SHH: variants seen among roughly 807,000 people sequenced by gnomAD.
SHH encodes sonic hedgehog signaling molecule.
In SHH, 3 loss-of-function variants were observed where a neutral mutation model predicts 16.6. The observed-to-expected ratio is 0.18, with a 90% CI of 0.08 to 0.47. The LOEUF is 0.47. SHH is among the 20% of genes least tolerant of loss of function. SHH has a pLI of 0.98. For missense variants in SHH, 499 were observed against 665.0 expected (o/e 0.75, Z 2.75); for synonymous variants, 351 against 316.2 (o/e 1.11, Z -1.17).
chr7:155,803,533 G>A lies in SHH; in HGVS notation c.756C>T (p.Phe252=), dbSNP rs113275997. 3.1e-5 allele frequency: 50 copies of A among 1,593,238 alleles called. No individual in the cohort carries two copies. In the African/African-American group the frequency reaches 6.4e-4, roughly 20 times the overall value. The stretch of plus-strand genomic sequence containing the variant: ...GCGGCTCCCGCGTCTCGATCACGTA[G>A]AAGACCTTCTTGGCGCCGTCGTCGC... ...LDRDDGAKKV[F]YVIETREPRE... The change falls in exon 3 of 3, where the codon TTC becomes TTT. Residue 252 remains phenylalanine, a synonymous_variant. Coordinates refer to ENST00000297261, the MANE Select transcript of SHH (RefSeq NM_000193.4).
chr7:155,803,423 G>A lies in SHH; in HGVS notation c.866C>T (p.Ser289Leu), dbSNP rs1131691966. Residue 289 changes from serine (S) to leucine (L), a missense_variant, in exon 3 of 3, where the codon TCG becomes TTG. Transcript: ENST00000297261. ...DSATGEPEAS[S>L]GSGPPSGGAL... ...GCCCCCGGAAGGCGGCCCCGAGCCC[G>A]AGGACGCCTCGGGCTCCCCGGTGGC... The A allele has an allele frequency of 1.3e-6, 2 of 1,530,334 alleles. No homozygotes were observed. The highest frequency in any genetic ancestry group is 1.7e-6 in the Non-Finnish European group (2 of 1,144,074). 94.8% of individuals were successfully genotyped at this position (1,530,334 alleles called of 1,614,324 possible).
At position 155,808,112 on chromosome 7, in the gene SHH, G is replaced by A. The variant is rs1322784375; in HGVS notation, c.301-1555C>T. Among the ~76,000 whole-genome samples, 3 of 152,292 alleles carry A rather than the reference G, an allele frequency of 2.0e-5. No homozygotes were observed. The East Asian group carries it at 5.8e-4, about 29-fold the overall frequency. ...CAACTGGGGGTGGGGTAGGGCTGGG[G>A]GCCGCCCTGGTAACAGGTCAGTGCC... On this transcript the variant is annotated intron_variant, in intron 1 of 2. Transcript: ENST00000297261.
Position 155,812,078 on chromosome 7 carries a change from C to A in SHH, c.45G>T (p.Ser15=). 1 of 1,614,204 alleles carries A rather than the reference C, an allele frequency of 6.2e-7. No homozygotes were observed. Among genetic ancestry groups the A allele is most frequent in the African/African-American group, 1.3e-5 (1 of 75,070 alleles). Residue 15 remains serine, a synonymous_variant, in exon 1 of 3, where the codon TCG becomes TCT. Transcript: ENST00000297261. ...ACGCCAGTCCCGAGCATACCAGCAGCGAGGAGACGAGGACTAGCAGCAGAC... is the reference window on the plus strand; with the variant it reads ...ACGCCAGTCCCGAGCATACCAGCAGAGAGGAGACGAGGACTAGCAGCAGAC... ...ARCLLLVLVS[S]LLVCSGLACG... is the part of the protein sequence containing the mutation.
chr7:155,812,247 C>G lies in SHH; in HGVS notation c.-125G>C. The G allele has an allele frequency of 1.1e-6, 1 of 905,286 alleles. No homozygotes were observed. The allele number at this position is 905,286 out of a possible 1,614,324, so 56.1% of individuals were successfully genotyped here. A position where few individuals can be genotyped will look rare whatever the true frequency, so the allele number is the denominator to read the frequency against. On this transcript the variant is annotated 5_prime_UTR_variant, in exon 1 of 3. Transcript: ENST00000297261. ...CCTTCCTCGCTCCGGCTCGCCCGCT[C>G]GCTCTCTCCCTCGCTGGCTGCCTCG...
chr7:155,811,910 C>T lies in SHH; in HGVS notation c.213G>A (p.Glu71=), dbSNP rs200317108. The T allele has an allele frequency of 4.5e-5, 73 of 1,614,150 alleles. No individual in the cohort carries two copies. The African/African-American group carries it at 8.8e-4, about 19-fold the overall frequency. ...RYEGKISRNS[E]RFKELTPNYN... ...AATTGGGGGTGAGTTCCTTAAATCG[C>T]TCGGAGTTTCTGGAGATCTTCCCTT... is the stretch of plus-strand genomic sequence containing the variant. Residue 71 remains glutamate, a synonymous_variant, in exon 1 of 3, where the codon GAG becomes GAA. Transcript: ENST00000297261.
At chr7:155,810,109 C>T (rs1454369375) in intron 1 of SHH, among the ~76,000 whole-genome samples, 1 of 152,178 alleles carries the variant, frequency 6.6e-6, no homozygotes, top group Non-Finnish European at 1.5e-5. Flanking sequence ...CACTGAAACC[C>T]TAGCCGCGGG....
chr7:155,803,775 G>T, intron 2 of SHH, 49 bp from the exon 3 acceptor site: 2 of 1,499,178 alleles, frequency 1.3e-6, no homozygotes, highest in Non-Finnish European at 1.8e-6. Context: ...ATTGAGTTCC[G>T]AGAGGGAGGC....
intron 1 of SHH, 148 bp downstream of exon 1, chr7:155,811,674 AT>A (rs1803526189): frequency 1.2e-6 from 1 of 815,164 alleles, no homozygotes; most frequent in Admixed American, 1.7e-5. Context: ...AGAGGAAGAG[AT>A]GGGGGGCGGG....
intron 2 of SHH, among the ~76,000 whole-genome samples, chr7:155,805,975 T>C (rs1455319804): frequency 6.6e-6 from 1 of 152,152 alleles, no homozygotes; most frequent in Non-Finnish European, 1.5e-5. Flanking sequence ...AGGGCTGTCT[T>C]CCCTCGCCTG....
chr7:155,806,558 C>T lies in SHH; in HGVS notation c.301-1G>A. ...AAGCGTTCAACTTGTCCTTACACCT[C>T]TGCGAAGACAAGGGGACCCCCACCG... On this transcript the variant is annotated splice_acceptor_variant, in intron 1 of 2. Transcript: ENST00000297261. LOFTEE classifies it high-confidence loss of function. 1 of 1,610,646 alleles carries T rather than the reference C, an allele frequency of 6.2e-7. No individual in the cohort carries two copies. The highest frequency in any genetic ancestry group is 8.5e-7 in the Non-Finnish European group (1 of 1,180,030).
In SHH at chr7:155,812,224, T is replaced by G; in HGVS notation, c.-102A>C. The G allele has an allele frequency of 1.7e-6, 2 of 1,144,186 alleles. No homozygotes were observed. The highest frequency in any genetic ancestry group is 1.3e-6 in the Non-Finnish European group (1 of 761,540). The allele number at this position is 1,144,186 out of a possible 1,614,324, so 70.9% of individuals were successfully genotyped here. On this transcript the variant is annotated 5_prime_UTR_variant, in exon 1 of 3. Coordinates refer to ENST00000297261, the MANE Select transcript of SHH (RefSeq NM_000193.4). ...TGTGCGCTCTCTCTTGCGCTTTCCC[T>G]TCCTCGCTCCGGCTCGCCCGCTCGC...
chr7:155,800,575 G>A lies in SHH; in HGVS notation c.*2325C>T, dbSNP rs905950153. ...TGCCCGGTGCTTCTGGTTCGCTTTC[G>A]ACTGACTTGAAATCAGACTGAACTG... On this transcript the variant is annotated 3_prime_UTR_variant, in exon 3 of 3. Coordinates refer to ENST00000297261, the MANE Select transcript of SHH (RefSeq NM_000193.4). 8.5e-6 allele frequency: 4 copies of A among 470,836 alleles called. No individual in the cohort carries two copies. The highest frequency in any genetic ancestry group is 2.0e-5 in the African/African-American group (1 of 50,192). 29.2% of individuals were successfully genotyped at this position (470,836 alleles called of 1,614,324 possible). A position where few individuals can be genotyped will look rare whatever the true frequency, so the allele number is the denominator to read the frequency against.
Position 155,801,810 on chromosome 7 carries a change from T to G in SHH, c.*1090A>C, listed in dbSNP as rs78518444. 9.8e-5 allele frequency: 15 copies of G among 152,334 alleles called. No individual in the cohort carries two copies. In the East Asian group the frequency reaches 2.5e-3, roughly 25 times the overall value. 9.4% of individuals were successfully genotyped at this position (152,334 alleles called of 1,614,324 possible). A position where few individuals can be genotyped will look rare whatever the true frequency, so the allele number is the denominator to read the frequency against. On this transcript the variant is annotated 3_prime_UTR_variant, in exon 3 of 3. Coordinates refer to ENST00000297261, the MANE Select transcript of SHH (RefSeq NM_000193.4). ...AGCCAAAAACTAAAAGAAAAAGGGC[T>G]GCAACAGGAATTCTTAGTTATTAGA... is the stretch of plus-strand genomic sequence containing the variant.
Position 155,803,046 on chromosome 7 carries a change from G to C in SHH, c.1243C>G (p.Leu415Val), listed in dbSNP as rs747289190. ...DRGGGGGRVA[L>V]TAPGAADAPG... ...GCGTCGGCAGCACCTGGAGCGGTTA[G>C]GGCTACTCTGCCGCCGCCGCCCCCG... The change falls in exon 3 of 3, where the codon CTA (leucine) becomes GTA (valine). Residue 415 changes from leucine to valine, a missense_variant. Leu to Val is a conservative substitution (Grantham distance 32). Around this residue, in one of 4 missense-constraint regions of SHH, gnomAD observed 299 missense variants for 301.1 expected, o/e 0.99. Transcript: ENST00000297261. 6.8e-7 allele frequency: 1 copy of C among 1,469,686 alleles called. No individual in the cohort carries two copies. The highest frequency in any genetic ancestry group is 9.0e-7 in the Non-Finnish European group (1 of 1,109,718). 91.0% of individuals were successfully genotyped at this position (1,469,686 alleles called of 1,614,324 possible). A position where few individuals can be genotyped will look rare whatever the true frequency, so the allele number is the denominator to read the frequency against.
chr7:155,804,602 C>A (rs1436827470), intron 2 of SHH, among the ~76,000 whole-genome samples: 1 of 151,902 alleles, frequency 6.6e-6, no homozygotes, highest in Non-Finnish European at 1.5e-5. Flanking sequence ...TTTGCACAGC[C>A]AGGCCTCTCT....
In SHH at chr7:155,811,937, A is replaced by G. The variant is rs1227038772; in HGVS notation, c.186T>C (p.Tyr62=). The change falls in exon 1 of 3, where the codon TAT becomes TAC. Residue 62 remains tyrosine (Y), a synonymous_variant. Transcript: ENST00000297261. Reference sequence around the variant, plus strand: ...CGGAGTTTCTGGAGATCTTCCCTTCATACCTTCCGCTGGCGCCTAGGGTCT... The same window carrying G: ...CGGAGTTTCTGGAGATCTTCCCTTCGTACCTTCCGCTGGCGCCTAGGGTCT... ...AEKTLGASGR[Y]EGKISRNSER... 5.6e-6 allele frequency: 9 copies of G among 1,613,920 alleles called. No homozygotes were observed. The highest frequency in any genetic ancestry group is 1.3e-5 in the African/African-American group (1 of 74,878).
rs771687521 is a variant in SHH at position 155,803,604 on chromosome 7, C to A, written c.685G>T (p.Asp229Tyr). The A allele has an allele frequency of 1.3e-6, 2 of 1,598,240 alleles. No individual in the cohort carries two copies. Among genetic ancestry groups the A allele is most frequent in the African/African-American group, 2.7e-5 (2 of 74,874 alleles). Reference sequence around the variant, plus strand: ...TCGCTGTAGAGCAGCCGGCCCTGGTCGTCCGCCGCCAGCACGCGGTCCCCG... The same window carrying A: ...TCGCTGTAGAGCAGCCGGCCCTGGTAGTCCGCCGCCAGCACGCGGTCCCCG... ...SPGDRVLAAD[D>Y]QGRLLYSDFL... The change falls in exon 3 of 3, where the codon GAC becomes TAC. Residue 229 changes from aspartate to tyrosine, a missense_variant. Around this residue, in one of 4 missense-constraint regions of SHH, gnomAD observed 114 missense variants for 200.4 expected, o/e 0.57. Coordinates refer to ENST00000297261, the MANE Select transcript of SHH (RefSeq NM_000193.4).
intron 2 of SHH, among the ~76,000 whole-genome samples, chr7:155,804,222 C>T (rs994834153): frequency 6.0e-5 from 9 of 151,026 alleles, no homozygotes; most frequent in African/African-American, 2.2e-4. Flanking sequence ...GCGGCGGAAA[C>T]CCCTGGCCCG....
chr7:155,808,532 G>C (rs1026720952), intron 1 of SHH, among the ~76,000 whole-genome samples: 69 of 152,334 alleles, frequency 4.5e-4, no homozygotes, highest in African/African-American at 1.6e-3. Flanking sequence ...GTGGCTGCGC[G>C]AGTGAGGGGC....
Sources: allele counts gnomAD v4.1 joint callset (sites outside exome capture counted in the v4.1 genomes callset), GRCh38; gene constraint gnomAD v4.1.1; regional missense constraint gnomAD v4.1.1; transcripts MANE v1.5; gene names NCBI Gene and HGNC (gene_info 2026-07-23, HGNC 2026-07-21).